The following GNG7 variants were observed in gnomAD, a reference collection of about 807,000 sequenced individuals.
GNG7 encodes the protein G protein subunit gamma 7, also known as guanine nucleotide-binding protein G(I)/G(S)/G(O) subunit gamma-7.
Under a neutral mutation model 4.0 loss-of-function variants are expected in GNG7, and 1 was observed. The ratio of observed to expected loss-of-function variants is 0.25; its 90% CI spans 0.09 to 1.18. GNG7 has a LOEUF of 1.18. Ranked by LOEUF, GNG7 falls within the 50% of genes most tolerant of loss-of-function variation. The pLI is 0.50. For synonymous variants in GNG7, 34 were observed against 36.9 expected (o/e 0.92, Z 0.29); for missense variants, 86 against 91.9 (o/e 0.94, Z 0.26).
Position 2,512,281 on chromosome 19 carries a change from G to A in GNG7, c.*2741C>T, listed in dbSNP as rs1972667295. On this transcript the variant is annotated 3_prime_UTR_variant, in exon 5 of 5. Coordinates refer to ENST00000382159, the MANE Select transcript of GNG7 (RefSeq NM_052847.3). The surrounding 1 kb of genome is among the most constrained non-coding windows in gnomAD (Gnocchi z 4.7). ...TTCCCGGCAGAAAAGCACATGTGGC[G>A]GTCGGTGTGTGCACTCGGGTGCCAC... 4 of 985,848 alleles carry A rather than the reference G, an allele frequency of 4.1e-6. No individual in the cohort carries two copies. The highest frequency in any genetic ancestry group is 4.8e-6 in the Non-Finnish European group (4 of 829,946). The allele number at this position is 985,848 out of a possible 1,614,324, so 61.1% of individuals were successfully genotyped here.
intron 3 of GNG7, among the ~76,000 whole-genome samples, chr19:2,537,800 A>T (rs1260140237): frequency 1.3e-5 from 2 of 152,120 alleles, no homozygotes; most frequent in Non-Finnish European, 2.9e-5. Context: ...GGGAAGCGAC[A>T]CAGAATTTCA....
intron 2 of GNG7, among the ~76,000 whole-genome samples, chr19:2,560,392 C>G (rs1358832644): frequency 6.6e-6 from 1 of 152,102 alleles, no homozygotes; most frequent in African/African-American, 2.4e-5. Flanking sequence ...GAGAGGAGGT[C>G]CGACCTGCTT....
chr19:2,532,918 C>T (rs2144739268), intron 3 of GNG7, among the ~76,000 whole-genome samples: 1 of 152,202 alleles, frequency 6.6e-6, no homozygotes, highest in East Asian at 1.9e-4. Flanking sequence ...CATACCTCAC[C>T]TATGACCCAG....
chr19:2,677,519 T>C lies in GNG7; in HGVS notation c.-135+25127A>G, dbSNP rs1983624390. On this transcript the variant is annotated intron_variant, in intron 1 of 4. Transcript: ENST00000382159. ...TAATTATTTGGAAAAATATTGTATCTGCTCCCTGTTGACACCAGACACTAG... is the reference window on the plus strand; with the variant it reads ...TAATTATTTGGAAAAATATTGTATCCGCTCCCTGTTGACACCAGACACTAG... 2.0e-5 allele frequency among the ~76,000 whole-genome samples: 3 copies of C among 152,022 alleles called. 1 individual carries two copies. The South Asian group carries it at 6.2e-4, about 32-fold the overall frequency.
intron 2 of GNG7, among the ~76,000 whole-genome samples, chr19:2,567,839 G>T (rs1030912799): frequency 1.3e-5 from 2 of 152,186 alleles, no homozygotes; most frequent in African/African-American, 4.8e-5. Context: ...CGGGGGCAGG[G>T]CAATGTCAAC....
intron 2 of GNG7, among the ~76,000 whole-genome samples, chr19:2,593,666 C>G (rs1432947992): frequency 6.6e-6 from 1 of 151,742 alleles, no homozygotes; most frequent in Non-Finnish European, 1.5e-5. Flanking sequence ...ATCGCTTGAA[C>G]CTGGGACACG....
rs71337161 is a variant in GNG7 at position 2,633,470 on chromosome 19, G to GGCGCGCGCGC, written c.-78+12744_-78+12753dup. On this transcript the variant is annotated intron_variant, in intron 2 of 4. Coordinates refer to ENST00000382159, the MANE Select transcript of GNG7 (RefSeq NM_052847.3). The surrounding 1 kb of genome is among the most constrained non-coding windows in gnomAD (Gnocchi z 5.9). ...CTGTTCAAGCGGTTGCTTAGCAACAGGCGCGCGCGCGCGCGCGCACACACA... is the reference window on the plus strand; with the variant it reads ...CTGTTCAAGCGGTTGCTTAGCAACAGGCGCGCGCGCGCGCGCGCGCGCGCGCGCACACACA... Among the ~76,000 whole-genome samples the GGCGCGCGCGC allele has an allele frequency of 7.6e-6, 1 of 132,366 alleles. No homozygotes were observed. Among genetic ancestry groups the GGCGCGCGCGC allele is most frequent in the African/African-American group, 3.3e-5 (1 of 30,466 alleles). The allele number at this position is 132,366 out of a possible 152,430, so 86.8% of individuals were successfully genotyped here.
At chr19:2,638,130 C>T (rs1048660123) in intron 2 of GNG7, among the ~76,000 whole-genome samples, 3 of 151,774 alleles carry the variant, frequency 2.0e-5, no homozygotes, top group Admixed American at 6.6e-5. Context: ...TTTGGGAGGC[C>T]GAGGCAGGTG....
intron 1 of GNG7, among the ~76,000 whole-genome samples, chr19:2,696,351 G>GAA (rs917485741): frequency 7.8e-6 from 1 of 128,644 alleles, no homozygotes; most frequent in Non-Finnish European, 1.7e-5. Context: ...AGAAAGAAAA[G>GAA]AAAGAAAAGA....
chr19:2,553,561 CAT>C (rs1166105537), intron 3 of GNG7, among the ~76,000 whole-genome samples: 6 of 148,982 alleles, frequency 4.0e-5, no homozygotes, highest in Admixed American at 6.8e-5. Context: ...TGTAATATCA[CAT>C]GTAATAAATC....
chr19:2,662,634 G>A (rs1308714262), intron 1 of GNG7, among the ~76,000 whole-genome samples: 2 of 152,156 alleles, frequency 1.3e-5, no homozygotes, highest in African/African-American at 2.4e-5. Context: ...AGGGAAGAAG[G>A]GCAAAGCTTC....
chr19:2,612,257 C>A (rs564098788), intron 2 of GNG7, among the ~76,000 whole-genome samples: 1 of 152,140 alleles, frequency 6.6e-6, no homozygotes, highest in African/African-American at 2.4e-5. Flanking sequence ...GTGGGGCCAT[C>A]CTGGGCACTG....
At chr19:2,526,812 T>A (rs1391968406) in intron 3 of GNG7, among the ~76,000 whole-genome samples, 1 of 151,116 alleles carries the variant, frequency 6.6e-6, no homozygotes, top group African/African-American at 2.4e-5. Context: ...TATATAGTTA[T>A]AGAATCTGTT....
intron 2 of GNG7, among the ~76,000 whole-genome samples, chr19:2,605,001 G>A (rs1981334368): frequency 6.6e-6 from 1 of 152,220 alleles, no homozygotes; most frequent in Middle Eastern, 3.4e-3. Context: ...CAATGGAAAT[G>A]GATTCTCTAT....
At chr19:2,613,506 C>T (rs1599422341) in intron 2 of GNG7, among the ~76,000 whole-genome samples, 1 of 138,590 alleles carries the variant, frequency 7.2e-6, no homozygotes, top group South Asian at 2.1e-4. Flanking sequence ...GCTCCTGGGA[C>T]TCTTCCTCCT....
chr19:2,535,499 CAAAA>C (rs113272956), intron 3 of GNG7, among the ~76,000 whole-genome samples: 3 of 133,376 alleles, frequency 2.2e-5, no homozygotes, highest in Non-Finnish European at 1.6e-5. Context: ...GACCTTGTCT[CAAAA>C]AAAAAAAAAA....
intron 3 of GNG7, among the ~76,000 whole-genome samples, chr19:2,523,716 T>C (rs1655197077): frequency 6.6e-6 from 1 of 152,102 alleles, no homozygotes; most frequent in Admixed American, 6.6e-5. Flanking sequence ...ATCCTGCCCA[T>C]AGCTTTACCA....
chr19:2,665,366 G>C (rs554502068), intron 1 of GNG7, among the ~76,000 whole-genome samples: 4 of 86,720 alleles, frequency 4.6e-5, no homozygotes, highest in Non-Finnish European at 8.9e-5. Flanking sequence ...TCCCCTGGGG[G>C]GGGGGGGGCA....
chr19:2,679,266 G>A (rs573737458), intron 1 of GNG7, among the ~76,000 whole-genome samples: 1 of 151,992 alleles, frequency 6.6e-6, no homozygotes, highest in Non-Finnish European at 1.5e-5. Flanking sequence ...GCTCAGGCTG[G>A]TCTCGAACTC....
Sources: allele counts gnomAD v4.1 joint callset (sites outside exome capture counted in the v4.1 genomes callset), GRCh38; gene constraint gnomAD v4.1.1; non-coding constraint Gnocchi (gnomAD v3.1); transcripts MANE v1.5; gene names NCBI Gene and HGNC (gene_info 2026-07-23, HGNC 2026-07-21).